PTPRT: variants seen among roughly 807,000 people sequenced by gnomAD.
PTPRT encodes the protein protein tyrosine phosphatase receptor type T.
A neutral mutation model predicts 176.8 loss-of-function variants in PTPRT; 56 were observed. That is an observed-to-expected ratio of 0.32 (90% CI 0.26 to 0.40). The LOEUF (loss-of-function observed/expected upper bound fraction) is 0.40. Among genes scored for constraint, PTPRT ranks in the 10% least tolerant of loss-of-function variants. The probability of loss-of-function intolerance (pLI) is 1.00; values close to 1 mark genes in which losing one functional copy is unlikely to be tolerated. For missense variants in PTPRT, 1,540 were observed against 1,908.2 expected (o/e 0.81, Z 3.60); for synonymous variants, 783 against 739.0 (o/e 1.06, Z -0.96).
At chr20:42,720,307 C>A (rs929591446) in intron 6 of PTPRT, among the ~76,000 whole-genome samples, 1 of 152,156 alleles carries the variant, frequency 6.6e-6, no homozygotes, top group African/African-American at 2.4e-5. Flanking sequence ...TCCCATTTTA[C>A]ATATGTGAAT....
chr20:43,061,410 C>T (rs369996821), intron 1 of PTPRT, among the ~76,000 whole-genome samples: 3 of 152,154 alleles, frequency 2.0e-5, no homozygotes, highest in African/African-American at 4.8e-5. Flanking sequence ...CAAATGTGCT[C>T]GGCCTCATGT....
At chr20:43,049,669 C>A (rs532265763) in intron 1 of PTPRT, among the ~76,000 whole-genome samples, 3 of 152,298 alleles carry the variant, frequency 2.0e-5, no homozygotes, top group African/African-American at 7.2e-5. Flanking sequence ...TAACATGAGG[C>A]TTTCAGTTCT....
chr20:42,803,817 G>C (rs1255268401), intron 2 of PTPRT, among the ~76,000 whole-genome samples: 1 of 152,208 alleles, frequency 6.6e-6, no homozygotes, highest in Non-Finnish European at 1.5e-5. Context: ...GCCTCCCAAA[G>C]TGCTGGGATT....
intron 1 of PTPRT, among the ~76,000 whole-genome samples, chr20:42,982,851 A>T (rs990028053): frequency 6.6e-6 from 1 of 152,218 alleles, no homozygotes; most frequent in Non-Finnish European, 1.5e-5. Context: ...GACTGCAGGC[A>T]CAATTCCTCT....
chr20:42,054,756 C>T, the PTPRT span, among the ~76,000 whole-genome samples: 1 of 152,208 alleles, frequency 6.6e-6, no homozygotes, highest in Non-Finnish European at 1.5e-5. Context: ...ACTCAGCTCT[C>T]TACCAGTGTC....
chr20:42,108,109 C>T (rs1030290692), intron 23 of PTPRT, among the ~76,000 whole-genome samples: 1 of 152,016 alleles, frequency 6.6e-6, no homozygotes. Context: ...AGAATCAGCC[C>T]AATTTGGTTC....
intron 7 of PTPRT, among the ~76,000 whole-genome samples, chr20:42,627,651 G>A (rs6030381): frequency 0.38 from 57,786 of 151,950 alleles, 13,000 homozygotes; most frequent in African/African-American, 0.63. Context: ...TCACATCTAC[G>A]GAGGCTTCAA....
At chr20:42,664,145 A>G (rs2075273078) in intron 7 of PTPRT, among the ~76,000 whole-genome samples, 1 of 152,212 alleles carries the variant, frequency 6.6e-6, no homozygotes, top group African/African-American at 2.4e-5. Context: ...ATCATCTGTA[A>G]CACTGGACAT....
intron 1 of PTPRT, among the ~76,000 whole-genome samples, chr20:43,083,337 T>TATATATATATATATAC (rs2011500957): frequency 1.9e-5 from 2 of 105,790 alleles, no homozygotes; most frequent in African/African-American, 7.3e-5. Context: ...TATATATATA[T>TATATATATATATATAC]ATATATATAT....
chr20:42,828,344 A>G (rs2078031326), intron 2 of PTPRT, among the ~76,000 whole-genome samples: 1 of 152,220 alleles, frequency 6.6e-6, no homozygotes, highest in Admixed American at 6.5e-5. Flanking sequence ...AAAATTTCTA[A>G]GTGGCAAAGC....
chr20:42,428,797 T>C (rs1442208555), intron 9 of PTPRT, among the ~76,000 whole-genome samples: 1 of 152,184 alleles, frequency 6.6e-6, no homozygotes, highest in Non-Finnish European at 1.5e-5. Context: ...CATCCAATAC[T>C]GACAGGGCAC....
intron 7 of PTPRT, among the ~76,000 whole-genome samples, chr20:42,548,455 C>G (rs1043816725): frequency 1.3e-5 from 2 of 151,838 alleles, no homozygotes; most frequent in Admixed American, 6.6e-5. Flanking sequence ...TACTGGATCA[C>G]CCTATGGAAA....
chr20:43,049,123 GA>G (rs1328693273), intron 1 of PTPRT, among the ~76,000 whole-genome samples: 1 of 152,142 alleles, frequency 6.6e-6, no homozygotes, highest in Admixed American at 6.6e-5. Context: ...CAGAAGAAAA[GA>G]ACACCAATCA....
chr20:42,591,975 C>CT (rs71335866), intron 7 of PTPRT, among the ~76,000 whole-genome samples: 3,239 of 102,372 alleles, frequency 0.032, 173 homozygotes, highest in African/African-American at 0.05. Context: ...GCTGGAGATT[C>CT]TTTTTTTTTT....
rs77058028 is a variant in PTPRT, at chr20:42,541,656, T to C, written c.1154-69094A>G. ...CTATAGCTCACACAAAGGTAAACTTTAGATGGAGCAAATAATCAAAAGTTT... is the reference window on the plus strand; with the variant it reads ...CTATAGCTCACACAAAGGTAAACTTCAGATGGAGCAAATAATCAAAAGTTT... On this transcript the variant is annotated intron_variant, in intron 7 of 30. Coordinates refer to ENST00000373187, the MANE Select transcript of PTPRT (RefSeq NM_007050.6). 6.6e-3 allele frequency among the ~76,000 whole-genome samples: 999 copies of C among 151,808 alleles called. 15 individuals carry two copies. The highest frequency in any genetic ancestry group is 0.023 in the African/African-American group (941 of 41,428).
chr20:42,680,263 G>C (rs1427836837), intron 6 of PTPRT, among the ~76,000 whole-genome samples: 2 of 152,140 alleles, frequency 1.3e-5, no homozygotes, highest in Non-Finnish European at 2.9e-5. Context: ...AATCTTAAGG[G>C]ACAACTCCAG....
intron 6 of PTPRT, among the ~76,000 whole-genome samples, chr20:42,696,171 C>T (rs2075872381): frequency 6.6e-6 from 1 of 151,634 alleles, no homozygotes; most frequent in Non-Finnish European, 1.5e-5. Flanking sequence ...CCTAAACCCT[C>T]TCTTTTTCTA....
At chr20:42,323,153 C>T (rs1166241918) in intron 11 of PTPRT, among the ~76,000 whole-genome samples, 1 of 152,198 alleles carries the variant, frequency 6.6e-6, no homozygotes, top group Admixed American at 6.5e-5. Flanking sequence ...CACTTTTACA[C>T]TGTTGGTGGG....
chr20:43,025,108 C>G (rs1013519766), intron 1 of PTPRT, among the ~76,000 whole-genome samples: 1 of 152,196 alleles, frequency 6.6e-6, no homozygotes, highest in African/African-American at 2.4e-5. Flanking sequence ...TATCCACTTA[C>G]AGGATAACCT....
Sources: gnomAD v4.1 joint callset for allele counts (sites outside exome capture counted in the v4.1 genomes callset) on GRCh38, gnomAD v4.1.1 for gene constraint, MANE v1.5 for transcripts, NCBI Gene and HGNC (gene_info 2026-07-23, HGNC 2026-07-21) for gene names.